DAW1: variants seen among roughly 807,000 people sequenced by gnomAD.
The protein encoded by DAW1 is dynein assembly factor with WD repeat domains 1.
DAW1 carries 47 observed loss-of-function variants against 56.5 expected under a neutral mutation model. That is an observed-to-expected ratio of 0.83 (90% CI 0.66 to 1.06). The LOEUF is 1.06. Ranked by LOEUF, DAW1 falls within the 50% of genes least tolerant of loss-of-function variation. The pLI, the probability that DAW1 is intolerant of heterozygous loss-of-function variation, is 0.00. For synonymous variants in DAW1, 190 were observed against 179.0 expected (o/e 1.06, Z -0.49); for missense variants, 505 against 499.3 (o/e 1.01, Z -0.11).
intron 11 of DAW1, 151 bp from the exon 12 acceptor site, chr2:227,921,248 A>T: frequency 1.2e-6 from 1 of 815,846 alleles, no homozygotes; most frequent in Non-Finnish European, 1.8e-6. Flanking sequence ...ATTATGAAGA[A>T]ATTGTTCTAT....
At chr2:227,896,193 A>G (rs749096528) in intron 5 of DAW1, among the ~76,000 whole-genome samples, 14 of 152,222 alleles carry the variant, frequency 9.2e-5, no homozygotes, top group Non-Finnish European at 2.1e-4. Flanking sequence ...GACAGTTTTT[A>G]TAATACCTTA....
chr2:227,921,327 TTTTTTTG>T, intron 11 of DAW1, 65 bp from the exon 12 acceptor site: 49 of 741,930 alleles, frequency 6.6e-5, no homozygotes, highest in South Asian at 3.4e-4. Context: ...TTTTTTTTTT[TTTTTTTG>T]CTGATAAGAA....
chr2:227,893,643 G>A (rs972044367), intron 4 of DAW1, 152 bp from the exon 5 acceptor site: 1 of 1,262,484 alleles, frequency 7.9e-7, no homozygotes, highest in East Asian at 2.8e-5. Flanking sequence ...TTGCACTCCA[G>A]CCTGAGTGAC....
At chr2:227,900,113 C>A (rs1472274677) in intron 6 of DAW1, among the ~76,000 whole-genome samples, 2 of 152,182 alleles carry the variant, frequency 1.3e-5, no homozygotes, top group Non-Finnish European at 1.5e-5. Flanking sequence ...CTGTCCTAAG[C>A]CCCTTTACAT....
chr2:227,920,893 G>A (rs960865087), intron 11 of DAW1, among the ~76,000 whole-genome samples: 4 of 151,952 alleles, frequency 2.6e-5, no homozygotes, highest in African/African-American at 7.3e-5. Flanking sequence ...TTGGCCAGGC[G>A]GTCTTGAACT....
intron 4 of DAW1, among the ~76,000 whole-genome samples, chr2:227,893,465 A>G (rs1040727095): frequency 6.6e-6 from 1 of 152,092 alleles, no homozygotes; most frequent in African/African-American, 2.4e-5. Context: ...CAGTAGTTCA[A>G]GACCAGTCTG....
rs369291467 is a variant in DAW1, at chr2:227,873,003, TG to T, written c.40+1277del. Among the ~76,000 whole-genome samples the T allele has an allele frequency of 5.8e-4, 89 of 152,278 alleles. No homozygotes were observed. In the East Asian group the frequency reaches 0.016, roughly 27 times the overall value. The stretch of plus-strand genomic sequence containing the variant: ...TGCTTAGAATACGATCCGCAACCTG[TG>T]GGATTTGGCTCATTCTGTGCTGCTG... On this transcript the variant is annotated intron_variant, in intron 1 of 12. Transcript: ENST00000309931.
chr2:227,890,344 C>T (rs1289241968), intron 3 of DAW1, among the ~76,000 whole-genome samples: 1 of 152,082 alleles, frequency 6.6e-6, no homozygotes, highest in Non-Finnish European at 1.5e-5. Context: ...GACAAATCAA[C>T]ATTTCGTATT....
intron 7 of DAW1, 70 bp downstream of exon 7, chr2:227,903,179 C>A: frequency 6.6e-7 from 1 of 1,515,224 alleles, no homozygotes; most frequent in Non-Finnish European, 9.1e-7. Context: ...ACAAAATGAG[C>A]TCTAAGTTGG....
intron 2 of DAW1, chr2:227,887,570 A>T (rs1339812723): frequency 2.0e-5 from 3 of 152,248 alleles, no homozygotes; most frequent in African/African-American, 7.2e-5. Context: ...ATGAGAGAAT[A>T]ACCTCCAGCT....
rs1222649116 is a variant in DAW1 at position 227,894,056 on chromosome 2, C to T, written c.440+139C>T. The T allele has an allele frequency of 1.2e-5, 10 of 850,402 alleles. No individual in the cohort carries two copies. In the African/African-American group the frequency reaches 1.5e-4, roughly 13 times the overall value. The allele number at this position is 850,402 out of a possible 1,614,324, so 52.7% of individuals were successfully genotyped here. A position where few individuals can be genotyped will look rare whatever the true frequency, so the allele number is the denominator to read the frequency against. On this transcript the variant is annotated intron_variant, in intron 5 of 12. Transcript: ENST00000309931. Reference sequence around the variant, plus strand: ...GCTTTGGAAGCCTTTTAAATACCTCCTTCAAAGCTTAAAAGGGTCTTTGGG... The same window carrying T: ...GCTTTGGAAGCCTTTTAAATACCTCTTTCAAAGCTTAAAAGGGTCTTTGGG...
chr2:227,890,982 T>G (rs1248282545), intron 3 of DAW1, among the ~76,000 whole-genome samples: 1 of 152,240 alleles, frequency 6.6e-6, no homozygotes, highest in Non-Finnish European at 1.5e-5. Context: ...AAAGTCATAA[T>G]ACATTGTCAA....
Position 227,924,119 on chromosome 2 carries a change from C to T in DAW1, c.*151C>T. The T allele has an allele frequency of 1.1e-6, 1 of 875,578 alleles. No individual in the cohort carries two copies. The highest frequency in any genetic ancestry group is 1.8e-6 in the Non-Finnish European group (1 of 556,928). 54.2% of individuals were successfully genotyped at this position (875,578 alleles called of 1,614,324 possible). On this transcript the variant is annotated 3_prime_UTR_variant, in exon 13 of 13. Coordinates refer to ENST00000309931, the MANE Select transcript of DAW1 (RefSeq NM_178821.3). ...ACTGTCCTTCATTTCACAGATATGA[C>T]CATTAAACATGACAAAGTTATGCCA...
At chr2:227,907,648 A>C (rs763773181) in intron 10 of DAW1, among the ~76,000 whole-genome samples, 1 of 152,190 alleles carries the variant, frequency 6.6e-6, no homozygotes. Context: ...CCCAGGCTCA[A>C]GTAATTTTCC....
At chr2:227,907,100 A>G in intron 9 of DAW1, 38 bp from the exon 10 acceptor site, 1 of 1,435,592 alleles carries the variant, frequency 7.0e-7, no homozygotes, top group East Asian at 2.3e-5. Context: ...AGAAAGTCAT[A>G]GTCTTTTTTT....
chr2:227,916,842 T>C (rs1027178325), intron 10 of DAW1, among the ~76,000 whole-genome samples: 11 of 152,194 alleles, frequency 7.2e-5, no homozygotes, highest in Admixed American at 2.0e-4. Flanking sequence ...AGCATGTCTA[T>C]GTTAACATTC....
intron 11 of DAW1, among the ~76,000 whole-genome samples, chr2:227,920,892 C>T (rs186066795): frequency 6.2e-4 from 95 of 152,154 alleles, no homozygotes; most frequent in African/African-American, 2.0e-3. Context: ...GTTGGCCAGG[C>T]GGTCTTGAAC....
intron 1 of DAW1, among the ~76,000 whole-genome samples, chr2:227,884,341 G>A (rs1691074252): frequency 6.6e-6 from 1 of 152,014 alleles, no homozygotes; most frequent in African/African-American, 2.4e-5. Context: ...CTTGGTATTG[G>A]TGTTTGTTGA....
intron 10 of DAW1, among the ~76,000 whole-genome samples, chr2:227,915,588 C>T (rs1574671537): frequency 6.6e-6 from 1 of 152,142 alleles, no homozygotes; most frequent in East Asian, 1.9e-4. Context: ...TGACAATAAC[C>T]TCTGATAATC....
Sources: gnomAD v4.1 joint callset for allele counts (sites outside exome capture counted in the v4.1 genomes callset) on GRCh38, gnomAD v4.1.1 for gene constraint, MANE v1.5 for transcripts, NCBI Gene and HGNC (gene_info 2026-07-23, HGNC 2026-07-21) for gene names.